Variants in MAP4K3 observed in about 807,000 individuals in gnomAD.
MAP4K3 encodes the protein mitogen-activated protein kinase kinase kinase kinase 3.
MAP4K3 carries 94 observed loss-of-function variants against 143.5 expected under a neutral mutation model. The ratio of observed to expected loss-of-function variants is 0.65; its 90% confidence interval spans 0.55 to 0.78. MAP4K3 has a LOEUF of 0.78. MAP4K3 is among the 30% of genes least tolerant of loss of function. The pLI is 0.00. For missense variants in MAP4K3, 1,077 were observed against 1,068.1 expected, an observed-to-expected ratio of 1.01 and a Z score of -0.12; for synonymous variants, 416 against 347.2, an observed-to-expected ratio of 1.20 and a Z score of -2.20.
At chr2:39,349,091 C>T (rs1314640033) in intron 3 of MAP4K3, among the ~76,000 whole-genome samples, 1 of 152,194 alleles carries the variant, frequency 6.6e-6, no homozygotes, top group East Asian at 1.9e-4. Context: ...CTGCAGTCCC[C>T]TGATTCCTGT....
At chr2:39,382,461 G>C (rs1192144343) in intron 1 of MAP4K3, among the ~76,000 whole-genome samples, 1 of 152,210 alleles carries the variant, frequency 6.6e-6, no homozygotes, top group African/African-American at 2.4e-5. Flanking sequence ...AATGGGATCT[G>C]AGCAAGTAAT....
At chr2:39,400,562 T>C (rs1666928308) in intron 1 of MAP4K3, among the ~76,000 whole-genome samples, 2 of 152,130 alleles carry the variant, frequency 1.3e-5, no homozygotes, top group South Asian at 4.1e-4. Flanking sequence ...CTCCTTATTA[T>C]TTACATTTCC....
At chr2:39,326,432 T>C (rs1363981700) in intron 8 of MAP4K3, among the ~76,000 whole-genome samples, 155 bp from the exon 9 acceptor site, 1 of 152,142 alleles carries the variant, frequency 6.6e-6, no homozygotes, top group Non-Finnish European at 1.5e-5. Flanking sequence ...AGGTCCACCT[T>C]TTCCAAGATC....
chr2:39,394,370 A>C (rs1300919504), intron 1 of MAP4K3, among the ~76,000 whole-genome samples: 1 of 152,242 alleles, frequency 6.6e-6, no homozygotes, highest in Non-Finnish European at 1.5e-5. Context: ...AGCTTGAACT[A>C]AGGTCATTTA....
rs753756016 is a variant in MAP4K3, at chr2:39,280,281, C to T, written c.1705G>A (p.Asp569Asn). Residue 569 changes from aspartate to asparagine, a missense_variant, in exon 23 of 34, where the codon GAT becomes AAT. Asp to Asn is a conservative substitution (Grantham distance 23). Coordinates refer to ENST00000263881, the MANE Select transcript of MAP4K3 (RefSeq NM_003618.4). ...IHCASSWINP[D>N]TRDQYLIFGA... ...AAACACACAATACTACCTCTTGTAT[C>T]TGGGTTTATCCATGATGATGCACAG... The T allele has an allele frequency of 1.1e-5, 17 of 1,571,730 alleles. No homozygotes were observed. Among genetic ancestry groups the T allele is most frequent in the Non-Finnish European group, 1.5e-5 (17 of 1,154,848 alleles).
chr2:39,282,011 T>C (rs1409089718), intron 22 of MAP4K3, among the ~76,000 whole-genome samples: 1 of 151,766 alleles, frequency 6.6e-6, no homozygotes, highest in East Asian at 1.9e-4. Flanking sequence ...CTGGCCAATA[T>C]GGTAAAACCC....
At chr2:39,400,516 C>G (rs538369647) in intron 1 of MAP4K3, among the ~76,000 whole-genome samples, 1 of 150,580 alleles carries the variant, frequency 6.6e-6, no homozygotes, top group Non-Finnish European at 1.5e-5. Flanking sequence ...TTATTGTTCC[C>G]CCCTCTCTTT....
chr2:39,346,477 T>C (rs1665296293), intron 3 of MAP4K3, among the ~76,000 whole-genome samples: 1 of 152,244 alleles, frequency 6.6e-6, no homozygotes, highest in African/African-American at 2.4e-5. Flanking sequence ...AGGTGTCTTA[T>C]TAGCTCTCCC....
chr2:39,292,473 C>T (rs764425059), intron 18 of MAP4K3, among the ~76,000 whole-genome samples: 7 of 152,160 alleles, frequency 4.6e-5, no homozygotes, highest in Non-Finnish European at 8.8e-5. Context: ...GAAGACATGG[C>T]CAGAAGACGG....
At chr2:39,401,581 C>T (rs1418603014) in intron 1 of MAP4K3, among the ~76,000 whole-genome samples, 2 of 152,196 alleles carry the variant, frequency 1.3e-5, no homozygotes, top group East Asian at 1.9e-4. Flanking sequence ...AAGTGGAGCG[C>T]TTGAGCTGAG....
At chr2:39,339,598 A>T (rs1194987406) in intron 4 of MAP4K3, among the ~76,000 whole-genome samples, 3 of 152,194 alleles carry the variant, frequency 2.0e-5, no homozygotes, top group Non-Finnish European at 4.4e-5. Flanking sequence ...AGAAGAGCTA[A>T]AACAAACACC....
chr2:39,428,103 T>C (rs1665155773), intron 1 of MAP4K3, among the ~76,000 whole-genome samples: 1 of 152,238 alleles, frequency 6.6e-6, no homozygotes, highest in African/African-American at 2.4e-5. Context: ...ATAGTTTTAT[T>C]GTTTTCTTCT....
intron 1 of MAP4K3, among the ~76,000 whole-genome samples, chr2:39,413,882 T>C (rs1230730946): frequency 1.8e-4 from 28 of 152,108 alleles, no homozygotes; most frequent in Admixed American, 1.8e-3. Context: ...ACAGAAAATA[T>C]ACGATTCAGA....
chr2:39,295,736 G>C (rs1318716469), intron 16 of MAP4K3, among the ~76,000 whole-genome samples: 1 of 46,192 alleles, frequency 2.2e-5, no homozygotes, highest in Admixed American at 2.0e-4. Context: ...TTTTTTTTTT[G>C]AGATGGAGTC....
chr2:39,254,405 A>T (rs1272369631), intron 32 of MAP4K3, 45 bp downstream of exon 32: 4 of 1,472,832 alleles, frequency 2.7e-6, no homozygotes, highest in Non-Finnish European at 9.5e-7. Flanking sequence ...TTGAAGTGGA[A>T]TTTGATAATG....
At chr2:39,435,597 T>A (rs1665438277) in intron 1 of MAP4K3, among the ~76,000 whole-genome samples, 1 of 152,234 alleles carries the variant, frequency 6.6e-6, no homozygotes, top group Non-Finnish European at 1.5e-5. Flanking sequence ...ATCCTAATAC[T>A]CTTTTCTGCA....
chr2:39,404,616 T>C (rs1281931345), intron 1 of MAP4K3, among the ~76,000 whole-genome samples: 1 of 139,164 alleles, frequency 7.2e-6, no homozygotes, highest in Non-Finnish European at 1.5e-5. Context: ...CTTCTTTCTT[T>C]CTTTTTTTTT....
chr2:39,418,213 A>C (rs527808645), intron 1 of MAP4K3, among the ~76,000 whole-genome samples: 24 of 152,120 alleles, frequency 1.6e-4, no homozygotes, highest in African/African-American at 5.5e-4. Context: ...AAAAAAAAAA[A>C]AAAAACAAAT....
intron 12 of MAP4K3, among the ~76,000 whole-genome samples, chr2:39,316,399 T>C (rs1683113451): frequency 6.6e-6 from 1 of 152,088 alleles, no homozygotes; most frequent in South Asian, 2.1e-4. Context: ...GTCAAATGAT[T>C]ACAAGAAAGG....
Sources: allele counts gnomAD v4.1 joint callset (sites outside exome capture counted in the v4.1 genomes callset), GRCh38; gene constraint gnomAD v4.1.1; transcripts MANE v1.5; gene names NCBI Gene and HGNC (gene_info 2026-07-23, HGNC 2026-07-21).